The following PWWP3B variants were observed in gnomAD, a reference collection of about 807,000 sequenced individuals.
The protein encoded by PWWP3B is PWWP domain-containing DNA repair factor 3B.
A neutral mutation model predicts 15.7 loss-of-function variants in PWWP3B; 5 were observed. That is an observed-to-expected ratio of 0.32 (90% CI 0.17 to 0.67). The LOEUF (loss-of-function observed/expected upper bound fraction) is 0.67. Among genes scored for constraint, PWWP3B ranks in the 30% least tolerant of loss-of-function variants. The pLI is 0.74. For synonymous variants in PWWP3B, 203 were observed against 179.8 expected (o/e 1.13, Z -1.03); for missense variants, 519 against 493.1 (o/e 1.05, Z -0.50).
chrX:106,188,147 G>A (rs1002363120), intron 2 of PWWP3B, among the ~76,000 whole-genome samples: 1 of 111,386 alleles, frequency 9.0e-6, no homozygotes, highest in African/African-American at 3.3e-5. Context: ...CTTGACATAT[G>A]TCCTGTACTA....
chrX:106,180,643 C>T (rs1922144820), intron 2 of PWWP3B, among the ~76,000 whole-genome samples: 2 of 111,769 alleles, frequency 1.8e-5, no homozygotes, highest in African/African-American at 6.5e-5. Context: ...CCTCTAAAAC[C>T]ACTAGTTTTC....
chrX:106,171,923 T>C (rs1393571333), intron 2 of PWWP3B, among the ~76,000 whole-genome samples: 2 of 111,085 alleles, frequency 1.8e-5, no homozygotes, highest in African/African-American at 6.5e-5. Context: ...TCTGTGCCTA[T>C]TTTACGATTA....
At chrX:106,202,103 C>G (rs1923736465) in intron 2 of PWWP3B, among the ~76,000 whole-genome samples, 1 of 111,256 alleles carries the variant, frequency 9.0e-6, no homozygotes, top group African/African-American at 3.3e-5. Context: ...TTAATTTGCA[C>G]AGAAAAATAA....
chrX:106,195,449 G>T (rs1438838083), intron 2 of PWWP3B, among the ~76,000 whole-genome samples: 1 of 111,299 alleles, frequency 9.0e-6, no homozygotes, highest in Non-Finnish European at 1.9e-5. Flanking sequence ...TTTTTTACAA[G>T]TTATAATTTT....
intron 2 of PWWP3B, among the ~76,000 whole-genome samples, chrX:106,180,553 A>G (rs1486294546): frequency 3.6e-5 from 4 of 111,649 alleles, no homozygotes; most frequent in Non-Finnish European, 5.6e-5. Flanking sequence ...TACTTATTCA[A>G]GCTTCCTTGT....
At chrX:106,169,183 C>T (rs1320505268) in intron 1 of PWWP3B, among the ~76,000 whole-genome samples, 2 of 111,284 alleles carry the variant, frequency 1.8e-5, no homozygotes, top group Admixed American at 9.6e-5. Context: ...GTTTCTATGT[C>T]GGCATAGAAA....
At chrX:106,168,466 G>C (rs1921447839) in intron 1 of PWWP3B, 41 bp downstream of exon 1, 1 of 112,413 alleles carries the variant, frequency 8.9e-6, no homozygotes. Context: ...TAACGGGAAA[G>C]GAGTGTCGTT....
At chrX:106,200,913 T>A (rs1923662804) in intron 2 of PWWP3B, among the ~76,000 whole-genome samples, 1 of 109,417 alleles carries the variant, frequency 9.1e-6, no homozygotes, top group South Asian at 3.9e-4. Context: ...CCAGGCATGG[T>A]GGCGGGCGCC....
At chrX:106,192,088 A>G (rs769500982) in intron 2 of PWWP3B, among the ~76,000 whole-genome samples, 5 of 111,378 alleles carry the variant, frequency 4.5e-5, no homozygotes, top group East Asian at 2.8e-4. Flanking sequence ...CTCTTTTTCT[A>G]TTGATTGGAA....
intron 2 of PWWP3B, among the ~76,000 whole-genome samples, chrX:106,196,616 C>T (rs1923389847): frequency 9.0e-6 from 1 of 111,361 alleles, no homozygotes; most frequent in Non-Finnish European, 1.9e-5. Flanking sequence ...AAATGTTGAA[C>T]CATCCATACA....
intron 1 of PWWP3B, among the ~76,000 whole-genome samples, chrX:106,169,225 G>T (rs899450501): frequency 1.8e-5 from 2 of 111,508 alleles, no homozygotes; most frequent in Admixed American, 1.9e-4. Flanking sequence ...ATGGGGAAAA[G>T]CTACTTTCCC....
At chrX:106,201,261 A>G (rs1303823394) in intron 2 of PWWP3B, among the ~76,000 whole-genome samples, 2 of 111,232 alleles carry the variant, frequency 1.8e-5, no homozygotes, top group African/African-American at 3.3e-5. Flanking sequence ...TGTCCTGGAA[A>G]CAGAAAGAAA....
intron 2 of PWWP3B, among the ~76,000 whole-genome samples, chrX:106,175,236 C>CTTT (rs1218589426): frequency 4.2e-4 from 31 of 73,129 alleles, no homozygotes; most frequent in South Asian, 7.0e-4. Flanking sequence ...GGGGTTATTT[C>CTTT]TTTTTTTTTT....
Position 106,206,433 on chromosome X carries a change from T to G in PWWP3B, c.1001T>G (p.Met334Arg). Reference sequence around the variant, plus strand: ...CCTGTCTGGGATTATTCACATCTTATGAGTAGTGAAAGAAATTTTCAGAGA... The same window carrying G: ...CCTGTCTGGGATTATTCACATCTTAGGAGTAGTGAAAGAAATTTTCAGAGA... ...SNPVWDYSHL[M>R]SSERNFQRLD... is the part of the protein sequence containing the mutation. Residue 334 changes from methionine to arginine, a missense_variant, in exon 4 of 4, where the codon ATG (methionine) becomes AGG (arginine). Coordinates refer to ENST00000357175, the MANE Select transcript of PWWP3B (RefSeq NM_001171020.2). 1 of 1,209,973 alleles carries G rather than the reference T, an allele frequency of 8.3e-7. No individual in the cohort carries two copies. The highest frequency in any genetic ancestry group is 1.1e-6 in the Non-Finnish European group (1 of 894,669).
In PWWP3B at chrX:106,185,452, C is replaced by G. The variant is rs4826892; in HGVS notation, c.-401+14313C>G. Among the ~76,000 whole-genome samples the G allele has an allele frequency of 5.4e-4, 60 of 111,510 alleles. 2 individuals are homozygous for G. The highest frequency in any genetic ancestry group is 1.0e-3 in the Non-Finnish European group (54 of 53,147). On this transcript the variant is annotated intron_variant, in intron 2 of 3. Transcript: ENST00000357175. ...CCCCCTCTTGCCCAAGAACCTGCAG[C>G]AGTCCCTGGAACTTGCTGATCAGAG...
At position 106,204,132 on chromosome X, in the gene PWWP3B, A is replaced by G. The variant is rs1923857393; in HGVS notation, c.-253A>G. The G allele has an allele frequency of 8.9e-6, 1 of 112,070 alleles. No homozygotes were observed. Among genetic ancestry groups the G allele is most frequent in the African/African-American group, 3.2e-5 (1 of 30,843 alleles). The allele number at this position is 112,070 out of a possible 1,213,427, so 9.2% of individuals were successfully genotyped here. A position where few individuals can be genotyped will look rare whatever the true frequency, so the allele number is the denominator to read the frequency against. ...TTGGAGTGAGAATCAAGACAGCCGG[A>G]CCACAGGACCAGACCCACCAGGATC... On this transcript the variant is annotated 5_prime_UTR_variant, in exon 3 of 4. Transcript: ENST00000357175.
intron 2 of PWWP3B, among the ~76,000 whole-genome samples, chrX:106,196,668 T>G (rs142637569): frequency 0.019 from 2,165 of 112,128 alleles, 55 homozygotes; most frequent in African/African-American, 0.066. Context: ...TATTATTCTT[T>G]TTCCTTATCA....
At chrX:106,194,672 T>G (rs1424788798) in intron 2 of PWWP3B, among the ~76,000 whole-genome samples, 2 of 111,672 alleles carry the variant, frequency 1.8e-5, no homozygotes, top group Non-Finnish European at 3.8e-5. Context: ...CTTTGTGGTT[T>G]TATCTACCTT....
chrX:106,177,300 C>G (rs1159491669), intron 2 of PWWP3B: 2 of 112,702 alleles, frequency 1.8e-5, no homozygotes, highest in Non-Finnish European at 3.7e-5. Flanking sequence ...GAGCTGTACC[C>G]GGCCAGTATT....
Sources: allele counts gnomAD v4.1 joint callset (sites outside exome capture counted in the v4.1 genomes callset), GRCh38; gene constraint gnomAD v4.1.1; transcripts MANE v1.5; gene names NCBI Gene and HGNC (gene_info 2026-07-23, HGNC 2026-07-21).